The following RASA2 variants were observed in gnomAD, a reference collection of about 807,000 sequenced individuals.
The protein encoded by RASA2 is RAS p21 protein activator 2.
In RASA2, 155 loss-of-function variants were observed where a neutral mutation model predicts 118.2. That is an observed-to-expected ratio of 1.31 (90% CI 1.15 to 1.50). RASA2 has a LOEUF of 1.50. RASA2 is among the 40% of genes most tolerant of loss of function. RASA2 has a pLI of 0.00. For missense variants in RASA2, 1,016 were observed against 1,009.6 expected, an observed-to-expected ratio of 1.01 and a Z score of -0.09; for synonymous variants, 353 against 349.1, an observed-to-expected ratio of 1.01 and a Z score of -0.12.
At chr3:141,594,743 G>C (rs930734668) in intron 19 of RASA2, among the ~76,000 whole-genome samples, 1 of 152,132 alleles carries the variant, frequency 6.6e-6, no homozygotes, top group Non-Finnish European at 1.5e-5. Context: ...TTGTGAGCAA[G>C]CCTGCACTAT....
At chr3:141,512,141 A>G (rs767264418) in intron 1 of RASA2, 22 bp from the exon 2 acceptor site, 41 of 1,516,908 alleles carry the variant, frequency 2.7e-5, no homozygotes, top group Admixed American at 6.9e-5. Flanking sequence ...TTTAATAACA[A>G]TTTTAAATTT....
intron 5 of RASA2, among the ~76,000 whole-genome samples, chr3:141,553,337 C>T (rs533243057): frequency 6.6e-6 from 1 of 152,048 alleles, no homozygotes; most frequent in Non-Finnish European, 1.5e-5. Context: ...GCAAAATGTA[C>T]CTTGTTGGGT....
At chr3:141,517,096 C>T (rs2082039193) in intron 3 of RASA2, among the ~76,000 whole-genome samples, 1 of 152,060 alleles carries the variant, frequency 6.6e-6, no homozygotes, top group Non-Finnish European at 1.5e-5. Context: ...TTACGGAGCA[C>T]CTTACACTTA....
At chr3:141,570,217 C>CA (rs2082895705) in intron 9 of RASA2, among the ~76,000 whole-genome samples, 1 of 145,806 alleles carries the variant, frequency 6.9e-6, no homozygotes, top group African/African-American at 2.5e-5. Context: ...GTCTTATCTA[C>CA]TTTTTTTTTT....
intron 19 of RASA2, among the ~76,000 whole-genome samples, chr3:141,594,710 A>G (rs1450611087): frequency 1.3e-5 from 2 of 152,184 alleles, no homozygotes; most frequent in Non-Finnish European, 2.9e-5. Flanking sequence ...ATTTTAAATA[A>G]ATGAAAGCTG....
rs147396046 is a variant in RASA2, at chr3:141,575,976, C to T, written c.1484-1024C>T. On this transcript the variant is annotated intron_variant, in intron 14 of 23. Transcript: ENST00000286364. ...ATTTTTAGTATAGATGGGGTTTCTC[C>T]ATGTTGGTCAGGCTGGTCTCAAACT... Among the ~76,000 whole-genome samples the T allele has an allele frequency of 1.4e-4, 21 of 152,236 alleles. No homozygotes were observed. The East Asian group carries it at 3.1e-3, about 22-fold the overall frequency.
At chr3:141,490,045 C>T (rs1241409727) in intron 1 of RASA2, among the ~76,000 whole-genome samples, 3 of 150,196 alleles carry the variant, frequency 2.0e-5, no homozygotes, top group South Asian at 2.1e-4. Flanking sequence ...TTTATATGCG[C>T]TCAAACGAAC....
At chr3:141,525,927 C>A (rs1245443288) in intron 3 of RASA2, 2 of 152,112 alleles carry the variant, frequency 1.3e-5, no homozygotes, top group East Asian at 3.8e-4. Context: ...AAAAGTCATT[C>A]TAATGCAGAG....
intron 9 of RASA2, among the ~76,000 whole-genome samples, chr3:141,565,875 G>A (rs555594472): frequency 3.5e-4 from 54 of 152,328 alleles, no homozygotes; most frequent in Non-Finnish European, 5.9e-5. Flanking sequence ...AAATCAGACA[G>A]TAGATGTTCT....
At chr3:141,549,859 A>G (rs944106573) in intron 5 of RASA2, among the ~76,000 whole-genome samples, 1 of 152,156 alleles carries the variant, frequency 6.6e-6, no homozygotes, top group Non-Finnish European at 1.5e-5. Flanking sequence ...TAATGGGGAT[A>G]TGTAAAAAGG....
intron 4 of RASA2, 137 bp from the exon 5 acceptor site, chr3:141,540,396 T>G (rs1295450552): frequency 5.4e-5 from 28 of 515,340 alleles, no homozygotes; most frequent in Non-Finnish European, 9.0e-5. Flanking sequence ...ATTATTCATT[T>G]AACAAGTACT....
At chr3:141,507,190 C>A (rs140809887) in intron 1 of RASA2, among the ~76,000 whole-genome samples, 1 of 152,216 alleles carries the variant, frequency 6.6e-6, no homozygotes, top group African/African-American at 2.4e-5. Flanking sequence ...ATTTCTGTGT[C>A]CATGTTTGAT....
In RASA2 at chr3:141,487,141, G is replaced by T; in HGVS notation, c.58G>T (p.Ala20Ser). 6.9e-7 allele frequency: 1 copy of T among 1,453,026 alleles called. No homozygotes were observed. Among genetic ancestry groups the T allele is most frequent in the Non-Finnish European group, 9.1e-7 (1 of 1,094,634 alleles). 90.0% of individuals were successfully genotyped at this position (1,453,026 alleles called of 1,614,324 possible). A position where few individuals can be genotyped will look rare whatever the true frequency, so the allele number is the denominator to read the frequency against. ...TTCTTCCGAGGCGCCAGCGGCGAGT[G>T]CGACTGCAGAGCCCGAGGCCGGGGA... ...AASSEAPAAS[A>S]TAEPEAGDQD... The change falls in exon 1 of 24, where the codon GCG becomes TCG. Residue 20 changes from alanine (A) to serine (S), a missense_variant. By Grantham distance (99) the Ala-to-Ser change is moderately conservative. This residue lies in a region of RASA2 where 896 missense variants were observed against 836.4 expected (regional missense o/e 1.07). Transcript: ENST00000286364.
intron 14 of RASA2, among the ~76,000 whole-genome samples, chr3:141,574,923 T>C (rs908261120): frequency 2.0e-5 from 3 of 152,232 alleles, no homozygotes; most frequent in African/African-American, 7.2e-5. Flanking sequence ...TATCAGTAAC[T>C]GGCATGTTTT....
At position 141,605,663 on chromosome 3, in the gene RASA2, C is replaced by A. The variant is rs116542483; in HGVS notation, c.1934-2015C>A. On this transcript the variant is annotated intron_variant, in intron 19 of 23. Transcript: ENST00000286364. ...CCCAAAGACATAGGTCTCTTCCCCC[C>A]CAATTTCTTAAACTCCTGATTTCCT... is the stretch of plus-strand genomic sequence containing the variant. 2.6e-5 allele frequency among the ~76,000 whole-genome samples: 4 copies of A among 152,058 alleles called. 1 individual carries two copies. The highest frequency in any genetic ancestry group is 6.5e-5 in the Admixed American group (1 of 15,272).
chr3:141,581,487 G>A (rs1019030545), intron 17 of RASA2, among the ~76,000 whole-genome samples: 1 of 152,112 alleles, frequency 6.6e-6, no homozygotes, highest in Non-Finnish European at 1.5e-5. Context: ...GATTCTGAGG[G>A]GCTGGCTTGT....
At chr3:141,529,240 A>G (rs1483069086) in intron 3 of RASA2, among the ~76,000 whole-genome samples, 1 of 152,078 alleles carries the variant, frequency 6.6e-6, no homozygotes, top group Non-Finnish European at 1.5e-5. Flanking sequence ...ACTGTTGTTA[A>G]TGATGTATGA....
In RASA2 at chr3:141,549,773, C is replaced by G. The variant is rs542320836; in HGVS notation, c.528-4084C>G. ...ACTCCTTTTTAGCAGTAGCTTATTT[C>G]AGGACTTGGGCAGGGAAAATATGAG... On this transcript the variant is annotated intron_variant, in intron 5 of 23. Coordinates refer to ENST00000286364, the MANE Select transcript of RASA2 (RefSeq NM_006506.5). Among the ~76,000 whole-genome samples the G allele has an allele frequency of 2.0e-5, 3 of 152,210 alleles. No homozygotes were observed. The East Asian group carries it at 5.8e-4, about 29-fold the overall frequency.
intron 1 of RASA2, among the ~76,000 whole-genome samples, chr3:141,493,312 A>T (rs532790607): frequency 1.8e-4 from 28 of 152,306 alleles, no homozygotes; most frequent in African/African-American, 6.7e-4. Flanking sequence ...AGTGGTTAGG[A>T]TTAGTGATGA....
Sources: gnomAD v4.1 joint callset for allele counts (sites outside exome capture counted in the v4.1 genomes callset) on GRCh38, gnomAD v4.1.1 for gene constraint, gnomAD v4.1.1 regional missense constraint, MANE v1.5 for transcripts, NCBI Gene and HGNC (gene_info 2026-07-23, HGNC 2026-07-21) for gene names.